The following CEP152 variants were observed in gnomAD, a reference collection of about 807,000 sequenced individuals.
The protein encoded by CEP152 is centrosomal protein 152.
Under a neutral mutation model 188.9 loss-of-function variants are expected in CEP152, and 132 were observed. That is an observed-to-expected ratio of 0.70 (90% CI 0.61 to 0.81). CEP152 has a LOEUF of 0.81. Among genes scored for constraint, CEP152 ranks in the 30% least tolerant of loss-of-function variants. CEP152 has a pLI of 0.00. For synonymous variants in CEP152, 649 were observed against 666.6 expected (o/e 0.97, Z 0.41); for missense variants, 1,914 against 1,969.8 (o/e 0.97, Z 0.54).
intron 19 of CEP152, among the ~76,000 whole-genome samples, chr15:48,757,343 G>C (rs1255475559): frequency 6.6e-6 from 1 of 152,152 alleles, no homozygotes; most frequent in East Asian, 1.9e-4. Flanking sequence ...ATGCCAATTT[G>C]ATAGCATCCT....
Position 48,738,870 on chromosome 15 carries a change from AT to A in CEP152, c.4511del (p.Asn1504IlefsTer19). 2.5e-6 allele frequency: 4 copies of A among 1,614,220 alleles called. No homozygotes were observed. Among genetic ancestry groups the A allele is most frequent in the Non-Finnish European group, 3.4e-6 (4 of 1,180,022 alleles). ...CAGGGGTACATCTAGGTGAGGGTTT[AT>A]TTCCTAAGGTTCCAAGAAAGGGGTA... ...AAYPFLGTLG[N>X]KPSPRCTPGP... On this transcript the variant is annotated frameshift_variant, in exon 27 of 27. Coordinates refer to ENST00000380950, the MANE Select transcript of CEP152 (RefSeq NM_001194998.2). LOFTEE classifies it low-confidence loss of function (END_TRUNC).
chr15:48,794,207 T>A (rs867816484), intron 6 of CEP152, among the ~76,000 whole-genome samples: 1 of 152,160 alleles, frequency 6.6e-6, no homozygotes, highest in African/African-American at 2.4e-5. Flanking sequence ...AAAAAAATTT[T>A]TGAAGTCTTC....
chr15:48,738,209 G>A lies in CEP152; in HGVS notation c.*40C>T. On this transcript the variant is annotated 3_prime_UTR_variant, in exon 27 of 27. Coordinates refer to ENST00000380950, the MANE Select transcript of CEP152 (RefSeq NM_001194998.2). Reference sequence around the variant, plus strand: ...GTATGAGGTCTTCCCTTCCATTTTTGTTAATATATTAATGATTCTTCTTAA... The same window carrying A: ...GTATGAGGTCTTCCCTTCCATTTTTATTAATATATTAATGATTCTTCTTAA... 3 of 1,549,990 alleles carry A rather than the reference G, an allele frequency of 1.9e-6. No homozygotes were observed. Among genetic ancestry groups the A allele is most frequent in the Non-Finnish European group, 2.6e-6 (3 of 1,147,464 alleles).
chr15:48,742,785 C>T (rs1893085378), intron 24 of CEP152, among the ~76,000 whole-genome samples: 1 of 151,528 alleles, frequency 6.6e-6, no homozygotes, highest in Non-Finnish European at 1.5e-5. Flanking sequence ...TTGATTAGGA[C>T]TACTATTAGC....
At chr15:48,793,095 T>C (rs1897087684) in intron 7 of CEP152, among the ~76,000 whole-genome samples, 1 of 152,210 alleles carries the variant, frequency 6.6e-6, no homozygotes, top group Non-Finnish European at 1.5e-5. Flanking sequence ...GTGCTGGGAT[T>C]ACAGGCGTAA....
intron 10 of CEP152, 24 bp from the exon 11 acceptor site, chr15:48,782,254 T>C: frequency 1.9e-6 from 3 of 1,606,040 alleles, no homozygotes; most frequent in Non-Finnish European, 2.6e-6. Flanking sequence ...AACCATAGGA[T>C]ATACTGAAAA....
chr15:48,772,402 C>A (rs1351309937), intron 13 of CEP152, 85 bp downstream of exon 13: 6 of 1,128,344 alleles, frequency 5.3e-6, no homozygotes, highest in African/African-American at 4.6e-5. Context: ...CAGAGTGACG[C>A]CCTGTCTCAA....
chr15:48,762,517 C>A lies in CEP152; in HGVS notation c.2436G>T (p.Met812Ile). 6.2e-7 allele frequency: 1 copy of A among 1,614,078 alleles called. No individual in the cohort carries two copies. Among genetic ancestry groups the A allele is most frequent in the Non-Finnish European group, 8.5e-7 (1 of 1,179,984 alleles). ...GGATTGTGCACTTCTGCTCTTCTAT[C>A]ATAATTGCCATCTCTTTCTTGGAAA... Reference protein sequence around the residue: ...DVISKKEMAIMIEEQKCTIQQ... With the variant: ...DVISKKEMAIIIEEQKCTIQQ... The change falls in exon 18 of 27, where the codon ATG becomes ATT. Residue 812 changes from methionine (M) to isoleucine (I), a missense_variant. Transcript: ENST00000380950.
intron 22 of CEP152, among the ~76,000 whole-genome samples, chr15:48,747,460 A>G (rs927821602): frequency 6.6e-6 from 1 of 152,194 alleles, no homozygotes; most frequent in South Asian, 2.1e-4. Flanking sequence ...CCAAACAATT[A>G]CAATACAGAA....
At chr15:48,742,535 A>T (rs564794050) in intron 24 of CEP152, among the ~76,000 whole-genome samples, 6 of 152,348 alleles carry the variant, frequency 3.9e-5, no homozygotes, top group African/African-American at 1.4e-4. Flanking sequence ...AAAAGGAGGC[A>T]GTATGAGCTG....
At chr15:48,805,471 A>G in intron 2 of CEP152, 92 bp downstream of exon 2, 1 of 1,489,936 alleles carries the variant, frequency 6.7e-7, no homozygotes, top group Non-Finnish European at 8.9e-7. Context: ...TCCCTTCAAA[A>G]TGACACAAGA....
In CEP152 at chr15:48,762,665, T is replaced by C. The variant is rs1188298539; in HGVS notation, c.2288A>G (p.Glu763Gly). ...CTTTTCAAGCTGTTGAATGAGTTTTTCTTTGATCTGTTTTCAGAAGAAAAA... is the reference window on the plus strand; with the variant it reads ...CTTTTCAAGCTGTTGAATGAGTTTTCCTTTGATCTGTTTTCAGAAGAAAAA... ...KEQQTQEKIK[E>G]KLIQQLEKEW... is the part of the protein sequence containing the mutation. The change falls in exon 18 of 27, where the codon GAA becomes GGA. Residue 763 changes from glutamate to glycine, a missense_variant. Glu to Gly is a moderately conservative substitution (Grantham distance 98, BLOSUM62 -2). Coordinates refer to ENST00000380950, the MANE Select transcript of CEP152 (RefSeq NM_001194998.2). 1 of 1,613,568 alleles carries C rather than the reference T, an allele frequency of 6.2e-7. No individual in the cohort carries two copies. Among genetic ancestry groups the C allele is most frequent in the South Asian group, 1.1e-5 (1 of 91,076 alleles).
At chr15:48,734,718 C>A (rs1158961358), downstream of CEP152, among the ~76,000 whole-genome samples, 1 of 152,052 alleles carries the variant, frequency 6.6e-6, no homozygotes, top group Non-Finnish European at 1.5e-5. Context: ...AAGAGAGCTG[C>A]AGTGGCTGTA....
intron 12 of CEP152, chr15:48,773,440 A>G (rs1158615853): frequency 6.6e-6 from 1 of 152,340 alleles, no homozygotes; most frequent in Non-Finnish European, 1.5e-5. Flanking sequence ...GGGAGGTGAA[A>G]CCCAAACAGA....
chr15:48,784,350 A>T (rs1344125088), intron 9 of CEP152, among the ~76,000 whole-genome samples: 10 of 152,208 alleles, frequency 6.6e-5, no homozygotes, highest in Admixed American at 5.9e-4. Context: ...AGGTTGAATT[A>T]GGTGCCTTCT....
chr15:48,797,680 G>T lies in CEP152; in HGVS notation c.242C>A (p.Pro81His). The T allele has an allele frequency of 1.2e-6, 2 of 1,613,994 alleles. No individual in the cohort carries two copies. Among genetic ancestry groups the T allele is most frequent in the Non-Finnish European group, 1.7e-6 (2 of 1,179,994 alleles). Residue 81 changes from proline to histidine, a missense_variant, in exon 4 of 27, where the codon CCC becomes CAC. Transcript: ENST00000380950. ...LEMSWNEQML[P>H]KSQSVNGYNE... ...ACTTACATTTACACTTTGAGATTTG[G>T]GCAGCATTTGCTCATTCCAGCTCAT...
At position 48,791,273 on chromosome 15, in the gene CEP152, C is replaced by T. The variant is rs757366150; in HGVS notation, c.936G>A (p.Glu312=). The T allele has an allele frequency of 2.5e-6, 4 of 1,612,844 alleles. No homozygotes were observed. In the East Asian group the frequency reaches 8.9e-5, roughly 36 times the overall value. Residue 312 remains glutamate (E), a synonymous_variant, in exon 8 of 27, where the codon GAG becomes GAA. Transcript: ENST00000380950. The stretch of plus-strand genomic sequence containing the variant: ...TGACTTTTAATGCTTGTATCTGAGT[C>T]TCCAGTGCTTTTATTTGAGCTTCAA... ...IQLEAQIKAL[E]TQIQALKVNE... is the part of the protein sequence containing the mutation.
chr15:48,804,924 G>A (rs1025464309), intron 2 of CEP152, among the ~76,000 whole-genome samples: 4 of 152,076 alleles, frequency 2.6e-5, no homozygotes, highest in African/African-American at 4.8e-5. Context: ...TGGCATACAC[G>A]GGGTCTCTTC....
Position 48,738,737 on chromosome 15 carries a change from A to G in CEP152, c.4645T>C (p.Ser1549Pro), listed in dbSNP as rs1403655312. 1 of 1,614,152 alleles carries G rather than the reference A, an allele frequency of 6.2e-7. No homozygotes were observed. Among genetic ancestry groups the G allele is most frequent in the Non-Finnish European group, 8.5e-7 (1 of 1,180,014 alleles). Reference sequence around the variant, plus strand: ...ACATCCAAACCTTGACTTTTCTCAGATGCAGCATTTTCACTTTCCATTAGT... The same window carrying G: ...ACATCCAAACCTTGACTTTTCTCAGGTGCAGCATTTTCACTTTCCATTAGT... ...NPLMESENAA[S>P]EKSQGLDVQE... The change falls in exon 27 of 27, where the codon TCT becomes CCT. Residue 1549 changes from serine to proline, a missense_variant. Transcript: ENST00000380950.
Sources: gnomAD v4.1 joint callset for allele counts (sites outside exome capture counted in the v4.1 genomes callset) on GRCh38, gnomAD v4.1.1 for gene constraint, MANE v1.5 for transcripts, NCBI Gene and HGNC (gene_info 2026-07-23, HGNC 2026-07-21) for gene names.